Variants in C10orf90 observed in about 807,000 individuals in gnomAD.
C10orf90 encodes (E2-independent) E3 ubiquitin-conjugating enzyme FATS.
C10orf90 carries 56 observed loss-of-function variants against 62.5 expected under a neutral mutation model. That is an observed-to-expected ratio of 0.90 (90% CI 0.72 to 1.12). The LOEUF (loss-of-function observed/expected upper bound fraction) is 1.12. Ranked by LOEUF, C10orf90 falls within the 50% of genes most tolerant of loss-of-function variation. The pLI, the probability that C10orf90 is intolerant of heterozygous loss-of-function variation, is 0.00. For synonymous variants in C10orf90, 386 were observed against 340.4 expected (o/e 1.13, Z -1.47); for missense variants, 970 against 880.4 (o/e 1.10, Z -1.29).
At position 126,621,081 on chromosome 10, in the gene C10orf90, T is replaced by C. The variant is rs868313539; in HGVS notation, c.313+25484A>G. Reference sequence around the variant, plus strand: ...ATAACCTTTTCCCTGCTATTAAACTTTTAGGTTGCTTTTGATTTTTCTTAG... The same window carrying C: ...ATAACCTTTTCCCTGCTATTAAACTCTTAGGTTGCTTTTGATTTTTCTTAG... On this transcript the variant is annotated intron_variant, in intron 2 of 9. Transcript: ENST00000488181. Among the ~76,000 whole-genome samples, 78 of 152,172 alleles carry C rather than the reference T, an allele frequency of 5.1e-4. 2 individuals are homozygous for C. Among genetic ancestry groups the C allele is most frequent in the Non-Finnish European group, 1.2e-4 (8 of 68,018 alleles).
At chr10:126,643,551 C>T (rs1846106969) in intron 2 of C10orf90, among the ~76,000 whole-genome samples, 1 of 152,170 alleles carries the variant, frequency 6.6e-6, no homozygotes, top group Non-Finnish European at 1.5e-5. Flanking sequence ...ACCTTGCCTC[C>T]TGACTGATGG....
intron 2 of C10orf90, among the ~76,000 whole-genome samples, chr10:126,614,215 C>T (rs1221751877): frequency 1.3e-5 from 2 of 152,146 alleles, no homozygotes; most frequent in African/African-American, 4.8e-5. Context: ...CTAGGACTCC[C>T]CCTGCCCACT....
intron 4 of C10orf90, among the ~76,000 whole-genome samples, chr10:126,490,587 C>T (rs1284044462): frequency 2.6e-5 from 4 of 151,916 alleles, no homozygotes; most frequent in African/African-American, 7.3e-5. Context: ...GTACTTAATG[C>T]CACAGAACTG....
chr10:126,464,653 A>T, intron 5 of C10orf90, 43 bp downstream of exon 5: 1 of 1,560,476 alleles, frequency 6.4e-7, no homozygotes, highest in Non-Finnish European at 8.7e-7. Flanking sequence ...TTTTTATCGA[A>T]TGTCAAGACC....
chr10:126,613,101 T>C (rs1448522118), intron 2 of C10orf90, among the ~76,000 whole-genome samples: 1 of 152,204 alleles, frequency 6.6e-6, no homozygotes, highest in East Asian at 1.9e-4. Context: ...CAAATACCTC[T>C]TACAATTTGT....
At chr10:126,619,060 C>T (rs1845596355) in intron 2 of C10orf90, among the ~76,000 whole-genome samples, 1 of 152,178 alleles carries the variant, frequency 6.6e-6, no homozygotes, top group African/African-American at 2.4e-5. Context: ...TTATCCTTAG[C>T]AAGTACAATG....
chr10:126,470,152 G>A (rs1407519423), intron 4 of C10orf90: 2 of 414,086 alleles, frequency 4.8e-6, no homozygotes, highest in Non-Finnish European at 4.9e-6. Context: ...TCTTCTGTAG[G>A]TTGCATGCTG....
At chr10:126,563,464 G>C (rs915758694) in intron 2 of C10orf90, among the ~76,000 whole-genome samples, 1 of 152,174 alleles carries the variant, frequency 6.6e-6, no homozygotes, top group African/African-American at 2.4e-5. Flanking sequence ...GGGAAAGAAG[G>C]GCTCTGACCT....
At chr10:126,625,689 G>A (rs978108231) in intron 2 of C10orf90, among the ~76,000 whole-genome samples, 1 of 152,168 alleles carries the variant, frequency 6.6e-6, no homozygotes, top group African/African-American at 2.4e-5. Context: ...GAAGTGAATA[G>A]GTGGGAACAT....
chr10:126,628,114 C>T (rs1440934745), intron 2 of C10orf90, among the ~76,000 whole-genome samples: 1 of 152,186 alleles, frequency 6.6e-6, no homozygotes, highest in African/African-American at 2.4e-5. Context: ...ACACCTTCGC[C>T]TGGCAGGGAA....
At chr10:126,437,369 C>A (rs767323247) in intron 7 of C10orf90, among the ~76,000 whole-genome samples, 36 of 152,184 alleles carry the variant, frequency 2.4e-4, no homozygotes, top group Non-Finnish European at 4.8e-4. Context: ...AATGCAAATA[C>A]TCAGTTCCTA....
At chr10:126,569,021 AG>A (rs1438226192) in intron 2 of C10orf90, among the ~76,000 whole-genome samples, 1 of 152,118 alleles carries the variant, frequency 6.6e-6, no homozygotes, top group African/African-American at 2.4e-5. Context: ...GGGTGAAAGC[AG>A]GGGCAGCAGC....
At chr10:126,614,003 A>G (rs1845491791) in intron 2 of C10orf90, among the ~76,000 whole-genome samples, 1 of 152,172 alleles carries the variant, frequency 6.6e-6, no homozygotes, top group Non-Finnish European at 1.5e-5. Flanking sequence ...CCCTTCCTTA[A>G]AGGCCTGTTA....
chr10:126,459,304 G>A, intron 6 of C10orf90, 87 bp from the exon 7 acceptor site: 1 of 1,501,284 alleles, frequency 6.7e-7, no homozygotes, highest in Non-Finnish European at 9.1e-7. Context: ...AGAAGCCGAT[G>A]GCAAGCACAA....
In C10orf90 at chr10:126,579,275, CT is replaced by C. The variant is rs35287358; in HGVS notation, c.314-65337del. Among the ~76,000 whole-genome samples, 331 of 124,580 alleles carry C rather than the reference CT, an allele frequency of 2.7e-3. 1 individual carries two copies. Among genetic ancestry groups the C allele is most frequent in the Non-Finnish European group, 3.4e-3 (211 of 61,512 alleles). The allele number at this position is 124,580 out of a possible 152,430, so 81.7% of individuals were successfully genotyped here. On this transcript the variant is annotated intron_variant, in intron 2 of 9. Transcript: ENST00000488181. ...TCTATATTTCTTTCTTTCTTTCTTT[CT>C]TTTTTTTTTTTTTTGAGACAGAGTC...
chr10:126,620,166 G>A (rs1392569753), intron 2 of C10orf90, among the ~76,000 whole-genome samples: 1 of 151,918 alleles, frequency 6.6e-6, no homozygotes, highest in Non-Finnish European at 1.5e-5. Context: ...TTCCTTTATG[G>A]TGTCTTATGT....
At chr10:126,485,872 G>A (rs533035907) in intron 4 of C10orf90, among the ~76,000 whole-genome samples, 2 of 151,992 alleles carry the variant, frequency 1.3e-5, no homozygotes, top group South Asian at 2.1e-4. Context: ...GCATGAACCC[G>A]GGAGGCGGAG....
chr10:126,493,889 T>C (rs1261616533), intron 4 of C10orf90, among the ~76,000 whole-genome samples: 1 of 152,234 alleles, frequency 6.6e-6, no homozygotes, highest in Admixed American at 6.5e-5. Context: ...ATGTCTAGCA[T>C]GCTATATCTT....
At chr10:126,553,237 G>A (rs1864679321) in intron 2 of C10orf90, among the ~76,000 whole-genome samples, 1 of 152,044 alleles carries the variant, frequency 6.6e-6, no homozygotes, top group South Asian at 2.1e-4. Flanking sequence ...GCCATAAATG[G>A]AGAAAGGATA....
Sources: gnomAD v4.1 joint callset for allele counts (sites outside exome capture counted in the v4.1 genomes callset) on GRCh38, gnomAD v4.1.1 for gene constraint, MANE v1.5 for transcripts, NCBI Gene and HGNC (gene_info 2026-07-23, HGNC 2026-07-21) for gene names.